Variants in PAIP2 observed in about 807,000 individuals in gnomAD.
PAIP2 encodes polyadenylate-binding protein-interacting protein 2.
PAIP2 carries 7 observed loss-of-function variants against 14.8 expected under a neutral mutation model. That is an observed-to-expected ratio of 0.47 (90% CI 0.27 to 0.89). The LOEUF (loss-of-function observed/expected upper bound fraction) is 0.89, where lower values mean the gene tolerates loss of function less well. PAIP2 is among the 40% of genes least tolerant of loss of function. PAIP2 has a pLI of 0.13. For synonymous variants in PAIP2, 47 were observed against 45.3 expected, an observed-to-expected ratio of 1.04 and a Z score of -0.15; for missense variants, 122 against 154.7, an observed-to-expected ratio of 0.79 and a Z score of 1.12.
At chr5:139,344,505 A>G (rs773616927) in intron 1 of PAIP2, among the ~76,000 whole-genome samples, 1 of 152,190 alleles carries the variant, frequency 6.6e-6, no homozygotes, top group Non-Finnish European at 1.5e-5. Flanking sequence ...CTGTCCAATG[A>G]TGTAGGTACT....
At chr5:139,344,261 T>C (rs1756470130) in intron 1 of PAIP2, among the ~76,000 whole-genome samples, 1 of 152,194 alleles carries the variant, frequency 6.6e-6, no homozygotes, top group South Asian at 2.1e-4. Flanking sequence ...CATTATGTGG[T>C]GCTGTGTGAT....
chr5:139,358,932 G>A (rs1403051704), intron 1 of PAIP2, among the ~76,000 whole-genome samples: 1 of 152,168 alleles, frequency 6.6e-6, no homozygotes, highest in Non-Finnish European at 1.5e-5. Flanking sequence ...TCTGGAATTA[G>A]GTAATGGTGG....
chr5:139,354,216 T>A (rs1756838776), intron 1 of PAIP2, among the ~76,000 whole-genome samples: 1 of 152,222 alleles, frequency 6.6e-6, no homozygotes, highest in South Asian at 2.1e-4. Flanking sequence ...GGTCTACTAG[T>A]GACAAACTCT....
chr5:139,363,968 C>G, intron 2 of PAIP2, 46 bp downstream of exon 2: 2 of 1,539,840 alleles, frequency 1.3e-6, no homozygotes, highest in Non-Finnish European at 1.8e-6. Context: ...TTCTGGCCCT[C>G]AATATGATTG....
chr5:139,359,764 G>A (rs942616456), intron 1 of PAIP2, among the ~76,000 whole-genome samples: 3 of 151,498 alleles, frequency 2.0e-5, no homozygotes, highest in East Asian at 4.1e-4. Context: ...GAGGTCAGGC[G>A]TTTGAGGCCA....
chr5:139,346,305 A>C (rs1394917377), intron 1 of PAIP2, among the ~76,000 whole-genome samples: 1 of 152,090 alleles, frequency 6.6e-6, no homozygotes, highest in Non-Finnish European at 1.5e-5. Context: ...GCAGTGGCGC[A>C]ATCTTGGCTC....
chr5:139,352,507 T>TTTTTTTTTG (rs1756775083), intron 1 of PAIP2, among the ~76,000 whole-genome samples: 4 of 147,828 alleles, frequency 2.7e-5, no homozygotes, highest in South Asian at 2.2e-4. Flanking sequence ...TTGTTGTTTT[T>TTTTTTTTTG]TTTTTTTGAG....
At chr5:139,367,345 A>C (rs1356074978) in intron 3 of PAIP2, 1 of 152,218 alleles carries the variant, frequency 6.6e-6, no homozygotes, top group Non-Finnish European at 1.5e-5. Context: ...GCAGTCTAAA[A>C]TATCACAGAG....
At chr5:139,346,726 G>A (rs561371253) in intron 1 of PAIP2, among the ~76,000 whole-genome samples, 23 of 141,522 alleles carry the variant, frequency 1.6e-4, no homozygotes, top group East Asian at 8.5e-4. Context: ...ACGGGGTTTC[G>A]CCCAAGTTGG....
In PAIP2 at chr5:139,369,494, T is replaced by C. The variant is rs1465469756; in HGVS notation, c.*696T>C. The C allele has an allele frequency of 1.2e-3, 1 of 824 alleles. No individual in the cohort carries two copies. The highest frequency in any genetic ancestry group is 0.015 in the Non-Finnish European group (1 of 68). The allele number at this position is 824 out of a possible 1,614,324, so 0.1% of individuals were successfully genotyped here. A position where few individuals can be genotyped will look rare whatever the true frequency, so the allele number is the denominator to read the frequency against. On this transcript the variant is annotated 3_prime_UTR_variant, in exon 4 of 4. Transcript: ENST00000265192. ...CCATAATCCAGCTGAACAAAGATAC[T>C]GTAACATGATTTGAGTGGTGCTTTT...
intron 3 of PAIP2, among the ~76,000 whole-genome samples, chr5:139,367,984 A>G (rs1757375439): frequency 6.6e-6 from 1 of 151,718 alleles, no homozygotes; most frequent in Admixed American, 6.6e-5. Flanking sequence ...CAGGCAGATC[A>G]CGAGGTCAGA....
intron 1 of PAIP2, chr5:139,343,282 G>A (rs1756437701): frequency 6.6e-6 from 1 of 152,178 alleles, no homozygotes; most frequent in African/African-American, 2.4e-5. Flanking sequence ...AAAATCACAG[G>A]ATAGGTAACT....
chr5:139,363,837 T>A lies in PAIP2; in HGVS notation c.53T>A (p.Val18Glu). 6.2e-7 allele frequency: 1 copy of A among 1,613,734 alleles called. No homozygotes were observed. The highest frequency in any genetic ancestry group is 2.2e-5 in the East Asian group (1 of 44,890). Residue 18 changes from valine to glutamate, a missense_variant, in exon 2 of 4, where the codon GTG becomes GAG. Around this residue, in one of 3 missense-constraint regions of PAIP2, gnomAD observed 42 missense variants for 36.7 expected, o/e 1.15. Coordinates refer to ENST00000265192, the MANE Select transcript of PAIP2 (RefSeq NM_016480.5). Reference protein sequence around the residue: ...STSPSIINEDVIINGHSHEDD... With the variant: ...STSPSIINEDEIINGHSHEDD... ...AGCCCAAGCATCATCAATGAAGATG[T>A]GATTATTAACGGTCATTCTCATGAA...
intron 1 of PAIP2, among the ~76,000 whole-genome samples, chr5:139,351,856 T>A (rs1453886773): frequency 6.6e-6 from 1 of 152,106 alleles, no homozygotes; most frequent in Non-Finnish European, 1.5e-5. Flanking sequence ...GATGGGCTCT[T>A]GGTATGTTTC....
chr5:139,368,804 CG>C lies in PAIP2; in HGVS notation c.*10del. On this transcript the variant is annotated 3_prime_UTR_variant, in exon 4 of 4. Transcript: ENST00000265192. ...TGAAGTACGGAAATATTTGAGTAGA[CG>C]GGGCCCTCTTTTGGTGGATGTAGCA... The C allele has an allele frequency of 6.2e-7, 1 of 1,602,562 alleles. No homozygotes were observed. Among genetic ancestry groups the C allele is most frequent in the Non-Finnish European group, 8.5e-7 (1 of 1,169,820 alleles).
At chr5:139,356,905 AAAAG>A (rs1756933141) in intron 1 of PAIP2, among the ~76,000 whole-genome samples, 1 of 133,238 alleles carries the variant, frequency 7.5e-6, no homozygotes, top group Non-Finnish European at 1.7e-5. Flanking sequence ...AAAAAAAAAA[AAAAG>A]ACATTTTGAA....
intron 3 of PAIP2, 128 bp downstream of exon 3, chr5:139,364,871 C>T (rs372583807): frequency 3.2e-5 from 21 of 651,404 alleles, no homozygotes; most frequent in African/African-American, 2.2e-4. Context: ...TCTGGCCGGG[C>T]ATGTGGCTCA....
intron 1 of PAIP2, among the ~76,000 whole-genome samples, chr5:139,344,004 G>A (rs1381482468): frequency 6.6e-6 from 1 of 152,020 alleles, no homozygotes; most frequent in Non-Finnish European, 1.5e-5. Flanking sequence ...TTGCCCATTT[G>A]GGAATTAAAG....
chr5:139,360,893 G>A (rs1757050935), intron 1 of PAIP2, among the ~76,000 whole-genome samples: 2 of 150,884 alleles, frequency 1.3e-5, no homozygotes, highest in South Asian at 4.2e-4. Context: ...TGATTCTCTT[G>A]CCTCAGCCTC....
Sources: gnomAD v4.1 joint callset for allele counts (sites outside exome capture counted in the v4.1 genomes callset) on GRCh38, gnomAD v4.1.1 for gene constraint, gnomAD v4.1.1 regional missense constraint, MANE v1.5 for transcripts, NCBI Gene and HGNC (gene_info 2026-07-23, HGNC 2026-07-21) for gene names.